The following RNF217 variants were observed in gnomAD, a reference collection of about 807,000 sequenced individuals.
The protein encoded by RNF217 is ring finger protein 217.
In RNF217, 31 loss-of-function variants were observed where a neutral mutation model predicts 57.8. That is an observed-to-expected ratio of 0.54 (90% CI 0.40 to 0.72). The LOEUF is 0.72. Among genes scored for constraint, RNF217 ranks in the 30% least tolerant of loss-of-function variants. The pLI is 0.00. For missense variants in RNF217, 696 were observed against 708.3 expected (o/e 0.98, Z 0.20); for synonymous variants, 313 against 294.0 (o/e 1.06, Z -0.66).
chr6:125,025,109 A>G (rs768545459), intron 1 of RNF217, among the ~76,000 whole-genome samples: 3 of 152,196 alleles, frequency 2.0e-5, no homozygotes, highest in Non-Finnish European at 4.4e-5. Flanking sequence ...AGGTCAAGAA[A>G]GAAACAGAAC....
intron 1 of RNF217, chr6:124,983,324 G>A: frequency 1.0e-6 from 1 of 970,264 alleles, no homozygotes; most frequent in Non-Finnish European, 1.2e-6. Flanking sequence ...TGGTTTTCAT[G>A]GTAACTAAGA....
At chr6:125,062,136 C>G (rs939372746) in intron 3 of RNF217, among the ~76,000 whole-genome samples, 6 of 151,836 alleles carry the variant, frequency 4.0e-5, no homozygotes, top group African/African-American at 1.5e-4. Flanking sequence ...ACGATTATGC[C>G]TTTGTTAAAT....
chr6:125,045,586 A>G (rs940243769), intron 2 of RNF217, 142 bp downstream of exon 2: 48 of 632,926 alleles, frequency 7.6e-5, no homozygotes, highest in Non-Finnish European at 5.8e-5. Context: ...TTCTGAAAGC[A>G]TATGGTTTGG....
At chr6:124,994,750 A>G (rs1379337684) in intron 1 of RNF217, among the ~76,000 whole-genome samples, 3 of 152,166 alleles carry the variant, frequency 2.0e-5, no homozygotes, top group Admixed American at 1.3e-4. Context: ...ATGGCATTAT[A>G]TTTCCAACTA....
intron 1 of RNF217, among the ~76,000 whole-genome samples, chr6:125,026,702 G>A (rs180862274): frequency 2.0e-5 from 3 of 152,066 alleles, no homozygotes; most frequent in South Asian, 2.1e-4. Flanking sequence ...TTTTTAGGTA[G>A]GGAAGGTTGC....
At chr6:125,014,545 G>GT (rs1785534380) in intron 1 of RNF217, among the ~76,000 whole-genome samples, 1 of 152,116 alleles carries the variant, frequency 6.6e-6, no homozygotes, top group Admixed American at 6.6e-5. Context: ...ATCCATCTCT[G>GT]TGATGATTGC....
intron 1 of RNF217, among the ~76,000 whole-genome samples, chr6:125,029,699 C>T (rs1231633585): frequency 1.3e-5 from 2 of 152,016 alleles, no homozygotes; most frequent in East Asian, 1.9e-4. Flanking sequence ...AAGTGTCAAA[C>T]GTTGATTACC....
chr6:125,047,961 AC>A (rs1461737264), intron 2 of RNF217, among the ~76,000 whole-genome samples: 15 of 152,102 alleles, frequency 9.9e-5, no homozygotes, highest in African/African-American at 3.6e-4. Flanking sequence ...AAGATCGATA[AC>A]AGAAGAAGTT....
At position 125,045,336 on chromosome 6, in the gene RNF217, T is replaced by C. The variant is rs781537937; in HGVS notation, c.1008T>C (p.Leu336=). The C allele has an allele frequency of 6.2e-7, 1 of 1,613,428 alleles. No individual in the cohort carries two copies. Among genetic ancestry groups the C allele is most frequent in the Admixed American group, 1.7e-5 (1 of 59,890 alleles). ...DSIKYKYFLE[L]GRIDSSTKPC... ...TCAAGTATAAGTACTTCTTGGAACTTGGCCGTATTGATTCCAGCACCAAGC... is the reference window on the plus strand; with the variant it reads ...TCAAGTATAAGTACTTCTTGGAACTCGGCCGTATTGATTCCAGCACCAAGC... Residue 336 remains leucine, a synonymous_variant, in exon 2 of 6, where the codon CTT becomes CTC. Transcript: ENST00000521654.
chr6:125,039,097 G>A (rs893371438), intron 1 of RNF217, among the ~76,000 whole-genome samples: 1 of 152,036 alleles, frequency 6.6e-6, no homozygotes, highest in Non-Finnish European at 1.5e-5. Context: ...GAGAACATGT[G>A]ATGTTTGGTT....
intron 1 of RNF217, among the ~76,000 whole-genome samples, chr6:125,017,648 T>C (rs1281928705): frequency 1.3e-5 from 2 of 152,206 alleles, no homozygotes; most frequent in Non-Finnish European, 2.9e-5. Flanking sequence ...AGCTCAAGTC[T>C]TATAACCCTA....
intron 3 of RNF217, among the ~76,000 whole-genome samples, chr6:125,069,967 AC>A (rs762557882): frequency 2.0e-5 from 3 of 152,078 alleles, no homozygotes; most frequent in Non-Finnish European, 4.4e-5. Context: ...CGAGCAGTGT[AC>A]ACTGTACCCA....
intron 1 of RNF217, among the ~76,000 whole-genome samples, chr6:124,998,556 T>G (rs887175411): frequency 6.6e-6 from 1 of 152,302 alleles, no homozygotes; most frequent in Middle Eastern, 3.4e-3. Flanking sequence ...TCGCAACACT[T>G]TGGGAGGCCA....
intron 2 of RNF217, among the ~76,000 whole-genome samples, chr6:125,052,932 T>C (rs931912101): frequency 6.6e-6 from 1 of 152,128 alleles, no homozygotes; most frequent in Non-Finnish European, 1.5e-5. Context: ...AGGAACTTAC[T>C]GGCTCCATTT....
chr6:125,082,369 T>G, intron 5 of RNF217: 2 of 1,373,172 alleles, frequency 1.5e-6, no homozygotes, highest in Non-Finnish European at 1.9e-6. Flanking sequence ...ACAGATAGAA[T>G]TATAAAGTAT....
At chr6:125,039,562 A>G (rs111658916) in intron 1 of RNF217, among the ~76,000 whole-genome samples, 7,175 of 152,256 alleles carry the variant, frequency 0.047, 253 homozygotes, top group African/African-American at 0.099. Flanking sequence ...TAACAAGGAC[A>G]TTGAGGACTT....
At chr6:125,005,878 G>C (rs902960493) in intron 1 of RNF217, among the ~76,000 whole-genome samples, 1 of 152,138 alleles carries the variant, frequency 6.6e-6, no homozygotes, top group Non-Finnish European at 1.5e-5. Flanking sequence ...GGAAATTCAG[G>C]CTTGATTTAT....
At chr6:124,987,152 C>T (rs555098636) in intron 1 of RNF217, among the ~76,000 whole-genome samples, 1 of 152,250 alleles carries the variant, frequency 6.6e-6, no homozygotes, top group African/African-American at 2.4e-5. Context: ...GTGCAGAATA[C>T]TTCCAATTGA....
chr6:125,081,155 G>T (rs985867967), intron 4 of RNF217, among the ~76,000 whole-genome samples: 1 of 152,078 alleles, frequency 6.6e-6, no homozygotes, highest in Non-Finnish European at 1.5e-5. Context: ...AACTGTCCTG[G>T]TAGAATACAG....
Sources: gnomAD v4.1 joint callset for allele counts (sites outside exome capture counted in the v4.1 genomes callset) on GRCh38, gnomAD v4.1.1 for gene constraint, MANE v1.5 for transcripts, NCBI Gene and HGNC (gene_info 2026-07-23, HGNC 2026-07-21) for gene names.